The following RALYL variants were observed in gnomAD, a reference collection of about 807,000 sequenced individuals.
RALYL encodes the protein RNA-binding Raly-like protein.
RALYL carries 29 observed loss-of-function variants against 35.1 expected under a neutral mutation model. The observed-to-expected ratio is 0.83, with a 90% CI of 0.61 to 1.13. The LOEUF is 1.13. Among genes scored for constraint, RALYL ranks in the 50% most tolerant of loss-of-function variants. The pLI, the probability that RALYL is intolerant of heterozygous loss-of-function variation, is 0.00. For missense variants in RALYL, 359 were observed against 360.4 expected (o/e 1.00, Z 0.03); for synonymous variants, 120 against 127.6 (o/e 0.94, Z 0.40).
intron 1 of RALYL, among the ~76,000 whole-genome samples, chr8:84,370,573 AG>A (rs1487770317): frequency 2.6e-5 from 4 of 152,028 alleles, no homozygotes; most frequent in Admixed American, 6.6e-5. Context: ...GAATGGTAAG[AG>A]TCAGAAACAG....
intron 7 of RALYL, among the ~76,000 whole-genome samples, chr8:84,883,903 T>TA (rs1199990267): frequency 6.6e-6 from 1 of 152,078 alleles, no homozygotes; most frequent in Non-Finnish European, 1.5e-5. Context: ...CTTTGCAGTT[T>TA]AAAAAACACA....
At chr8:84,543,871 A>C (rs956316262) in intron 2 of RALYL, among the ~76,000 whole-genome samples, 6 of 152,134 alleles carry the variant, frequency 3.9e-5, no homozygotes, top group African/African-American at 1.4e-4. Context: ...GGGTGCTAAG[A>C]AAGCTCATTA....
intron 8 of RALYL, chr8:84,906,981 G>C: frequency 1.0e-6 from 1 of 985,054 alleles, no homozygotes; most frequent in Non-Finnish European, 1.2e-6. Flanking sequence ...CTCCAGGATA[G>C]CCTGAGATGA....
At chr8:84,247,958 A>G (rs1829439189) in intron 1 of RALYL, among the ~76,000 whole-genome samples, 1 of 152,172 alleles carries the variant, frequency 6.6e-6, no homozygotes, top group Non-Finnish European at 1.5e-5. Context: ...ATTTTATAAA[A>G]GCTCTCTGTC....
chr8:84,593,251 T>A (rs551739375), intron 2 of RALYL, among the ~76,000 whole-genome samples: 1 of 152,220 alleles, frequency 6.6e-6, no homozygotes, highest in East Asian at 1.9e-4. Flanking sequence ...TATTCACTCA[T>A]AATTTGTGAT....
intron 1 of RALYL, among the ~76,000 whole-genome samples, chr8:84,472,025 AT>A (rs1387408879): frequency 6.6e-6 from 1 of 152,198 alleles, no homozygotes; most frequent in African/African-American, 2.4e-5. Flanking sequence ...GAACACTTTC[AT>A]TACTTTATTC....
At chr8:84,827,461 G>A (rs1829959241) in intron 4 of RALYL, among the ~76,000 whole-genome samples, 1 of 152,088 alleles carries the variant, frequency 6.6e-6, no homozygotes, top group South Asian at 2.1e-4. Flanking sequence ...GCAGACAATA[G>A]AAGAATGCCT....
chr8:84,308,311 A>C lies in RALYL; in HGVS notation c.-24+123887A>C, dbSNP rs1004646817. On this transcript the variant is annotated intron_variant, in intron 1 of 8. Transcript: ENST00000521268. The stretch of plus-strand genomic sequence containing the variant: ...TGTGAAGCACATACCAGAGTGAAAC[A>C]AGTGCTCATAGAGAATATGGAGACA... Among the ~76,000 whole-genome samples the C allele has an allele frequency of 2.1e-4, 32 of 152,172 alleles. 1 individual carries two copies. The highest frequency in any genetic ancestry group is 2.9e-5 in the Non-Finnish European group (2 of 68,022).
chr8:84,833,474 C>T (rs996677601), intron 4 of RALYL, among the ~76,000 whole-genome samples: 1 of 151,736 alleles, frequency 6.6e-6, no homozygotes, highest in African/African-American at 2.4e-5. Flanking sequence ...CCTGTCTCTA[C>T]TAAAAATACA....
At chr8:84,813,335 G>C (rs1259841248) in intron 4 of RALYL, among the ~76,000 whole-genome samples, 1 of 152,142 alleles carries the variant, frequency 6.6e-6, no homozygotes, top group Non-Finnish European at 1.5e-5. Context: ...GGGATTGCTG[G>C]TTCATTCTTG....
chr8:84,533,887 G>T (rs1413919223), intron 2 of RALYL, among the ~76,000 whole-genome samples: 2 of 152,166 alleles, frequency 1.3e-5, no homozygotes, highest in African/African-American at 2.4e-5. Context: ...ACAAAGAAGA[G>T]AACATTCAAA....
chr8:84,895,772 A>G (rs1381191552), intron 8 of RALYL, among the ~76,000 whole-genome samples: 1 of 152,176 alleles, frequency 6.6e-6, no homozygotes, highest in Non-Finnish European at 1.5e-5. Flanking sequence ...TCGGCCTCCC[A>G]AAGTGCTGGG....
intron 4 of RALYL, among the ~76,000 whole-genome samples, chr8:84,829,156 G>C (rs1563694169): frequency 6.6e-6 from 1 of 152,074 alleles, no homozygotes; most frequent in Non-Finnish European, 1.5e-5. Context: ...AGCATGTGCA[G>C]GAGAACTGTC....
At position 84,426,911 on chromosome 8, in the gene RALYL, A is replaced by G. The variant is rs536856924; in HGVS notation, c.-23-102388A>G. Among the ~76,000 whole-genome samples, 4 of 152,288 alleles carry G rather than the reference A, an allele frequency of 2.6e-5. No individual in the cohort carries two copies. The East Asian group carries it at 7.7e-4, about 29-fold the overall frequency. On this transcript the variant is annotated intron_variant, in intron 1 of 8. Coordinates refer to ENST00000521268, the MANE Select transcript of RALYL (RefSeq NM_173848.7). ...GAACAGTATGGAGGTTTCTAAATAA[A>G]TTAAAAATGGAACTACCATATGATC...
intron 1 of RALYL, among the ~76,000 whole-genome samples, chr8:84,387,194 T>C (rs1859410227): frequency 6.6e-6 from 1 of 151,916 alleles, no homozygotes; most frequent in Non-Finnish European, 1.5e-5. Flanking sequence ...CTCATATTTA[T>C]TAAAATCATT....
At chr8:84,733,798 G>A (rs999640011) in intron 2 of RALYL, among the ~76,000 whole-genome samples, 1 of 152,144 alleles carries the variant, frequency 6.6e-6, no homozygotes, top group African/African-American at 2.4e-5. Flanking sequence ...ACTGGTGAAT[G>A]GTGGTTAGCA....
chr8:84,812,682 T>TCAGAGAA (rs1256066480), intron 4 of RALYL, among the ~76,000 whole-genome samples: 1 of 152,024 alleles, frequency 6.6e-6, no homozygotes, highest in African/African-American at 2.4e-5. Flanking sequence ...ATGAAGGTTG[T>TCAGAGAA]CAGAGAAGTG....
At chr8:84,704,574 T>C (rs1840847739) in intron 2 of RALYL, among the ~76,000 whole-genome samples, 2 of 151,424 alleles carry the variant, frequency 1.3e-5, no homozygotes, top group African/African-American at 4.9e-5. Context: ...GGAAAAAAAA[T>C]GAAGTTTTAT....
intron 2 of RALYL, among the ~76,000 whole-genome samples, chr8:84,766,813 G>C (rs1814202648): frequency 6.7e-6 from 1 of 149,256 alleles, no homozygotes; most frequent in Non-Finnish European, 1.5e-5. Flanking sequence ...TGTTTGGTTA[G>C]ACTTACTGGA....
Sources: allele counts gnomAD v4.1 joint callset (sites outside exome capture counted in the v4.1 genomes callset), GRCh38; gene constraint gnomAD v4.1.1; transcripts MANE v1.5; gene names NCBI Gene and HGNC (gene_info 2026-07-23, HGNC 2026-07-21).